ECD: variants seen among roughly 807,000 people sequenced by gnomAD.
ECD encodes the protein ecdysoneless cell cycle regulator, also known as protein ecdysoneless homolog.
Under a neutral mutation model 77.2 loss-of-function variants are expected in ECD, and 59 were observed. That is an observed-to-expected ratio of 0.76 (90% CI 0.62 to 0.95). ECD has a LOEUF of 0.95. Ranked by LOEUF, ECD falls within the 40% of genes least tolerant of loss-of-function variation. ECD has a pLI of 0.00. For missense variants in ECD, 704 were observed against 763.4 expected, an observed-to-expected ratio of 0.92 and a Z score of 0.92; for synonymous variants, 233 against 267.4, an observed-to-expected ratio of 0.87 and a Z score of 1.26.
At position 73,134,720 on chromosome 10, in the gene ECD, G is replaced by A. The variant is rs758034749; in HGVS notation, c.1798C>T (p.Leu600=). The change falls in exon 14 of 14, where the codon CTG becomes TTG. Residue 600 remains leucine, a synonymous_variant. Transcript: ENST00000372979. ...VMAPVDVDLN[L]VSNILESYSS... ...TAGGATTCCAATATATTTGAAACCAGGTTCAGGTCTACATCTACTGGTGCC... is the reference window on the plus strand; with the variant it reads ...TAGGATTCCAATATATTTGAAACCAAGTTCAGGTCTACATCTACTGGTGCC... 1 of 1,614,166 alleles carries A rather than the reference G, an allele frequency of 6.2e-7. No individual in the cohort carries two copies. The highest frequency in any genetic ancestry group is 1.3e-5 in the African/African-American group (1 of 75,042).
At chr10:73,156,190 G>A in intron 5 of ECD, 85 bp downstream of exon 5, 1 of 1,319,768 alleles carries the variant, frequency 7.6e-7, no homozygotes, top group Non-Finnish European at 1.0e-6. Context: ...GAGCTTTAAG[G>A]AAAACAAACA....
intron 3 of ECD, 124 bp downstream of exon 3, chr10:73,160,310 C>G: frequency 2.0e-6 from 1 of 504,296 alleles, no homozygotes; most frequent in Non-Finnish European, 3.3e-6. Context: ...AGCACAGATA[C>G]TATTAAAATC....
chr10:73,162,004 T>C (rs541021130), intron 2 of ECD, among the ~76,000 whole-genome samples: 1 of 152,332 alleles, frequency 6.6e-6, no homozygotes, highest in African/African-American at 2.4e-5. Flanking sequence ...CCAACTCTTC[T>C]TCTCCCCACC....
chr10:73,144,309 T>A (rs1399321123), intron 9 of ECD, among the ~76,000 whole-genome samples: 2 of 152,086 alleles, frequency 1.3e-5, no homozygotes, highest in Non-Finnish European at 2.9e-5. Flanking sequence ...TAAAAACAAT[T>A]CTAAACTGAG....
At chr10:73,139,776 G>C (rs1386288045) in intron 9 of ECD, 39 bp from the exon 10 acceptor site, 2 of 1,359,126 alleles carry the variant, frequency 1.5e-6, no homozygotes, top group Non-Finnish European at 2.1e-6. Flanking sequence ...CTTCATAAGA[G>C]AACATAGAAT....
At chr10:73,166,039 T>C (rs1161896583) in intron 1 of ECD, among the ~76,000 whole-genome samples, 3 of 152,204 alleles carry the variant, frequency 2.0e-5, no homozygotes, top group Non-Finnish European at 4.4e-5. Flanking sequence ...TTTTAATTTT[T>C]AGCTCCTACA....
chr10:73,157,582 C>T (rs900549633), intron 3 of ECD, among the ~76,000 whole-genome samples: 2 of 151,138 alleles, frequency 1.3e-5, no homozygotes, highest in African/African-American at 4.9e-5. Context: ...ATCAGCCAGG[C>T]GTGGTGGCCC....
At chr10:73,137,708 G>A (rs1290440052) in intron 12 of ECD, among the ~76,000 whole-genome samples, 2 of 151,626 alleles carry the variant, frequency 1.3e-5, no homozygotes, top group Non-Finnish European at 1.5e-5. Context: ...CCCAGGAGGC[G>A]GAGCTTGCAG....
At chr10:73,163,592 T>C (rs1381467481) in intron 2 of ECD, 141 bp downstream of exon 2, 5 of 729,144 alleles carry the variant, frequency 6.9e-6, no homozygotes, top group African/African-American at 3.6e-5. Flanking sequence ...TAACTGAATA[T>C]AGACAAGTAT....
chr10:73,139,913 G>T (rs1020856801), intron 9 of ECD, among the ~76,000 whole-genome samples, 176 bp from the exon 10 acceptor site: 1 of 150,162 alleles, frequency 6.7e-6, no homozygotes, highest in Non-Finnish European at 1.5e-5. Flanking sequence ...CGAACTCCTG[G>T]GTTCAAATGA....
At chr10:73,160,605 A>G in intron 2 of ECD, 54 bp from the exon 3 acceptor site, 1 of 1,266,874 alleles carries the variant, frequency 7.9e-7, no homozygotes, top group Non-Finnish European at 1.1e-6. Context: ...TACTGCAAAT[A>G]AAATGCACAT....
At position 73,145,657 on chromosome 10, in the gene ECD, CTT is replaced by C. The variant is rs748175828; in HGVS notation, c.1127+617_1127+618del. ...ATCCATTTGCTGAAATATTGTGCAG[CTT>C]TTTTTTTTTTTTTTTTTTGAGATGG... On this transcript the variant is annotated intron_variant, in intron 9 of 13. Transcript: ENST00000372979. Among the ~76,000 whole-genome samples the C allele has an allele frequency of 2.9e-3, 354 of 124,070 alleles. 2 individuals are homozygous for C. The highest frequency in any genetic ancestry group is 8.3e-3 in the African/African-American group (263 of 31,612). The allele number at this position is 124,070 out of a possible 152,430, so 81.4% of individuals were successfully genotyped here. A position where few individuals can be genotyped will look rare whatever the true frequency, so the allele number is the denominator to read the frequency against.
At chr10:73,143,089 G>A (rs536336352) in intron 9 of ECD, among the ~76,000 whole-genome samples, 20 of 152,268 alleles carry the variant, frequency 1.3e-4, no homozygotes, top group Middle Eastern at 3.4e-3. Context: ...TATATCCCCA[G>A]TACCTGGAAT....
intron 2 of ECD, among the ~76,000 whole-genome samples, chr10:73,161,902 T>C (rs1843385658): frequency 6.6e-6 from 1 of 152,202 alleles, no homozygotes; most frequent in South Asian, 2.1e-4. Context: ...GTACAGTTAA[T>C]ATCCCACATT....
Position 73,136,851 on chromosome 10 carries a change from A to G in ECD, c.1557T>C (p.Asp519=). ...CGTGTGTTTCAAAGTCCAAGTCATC[A>G]TCACTATCTAAACATTCAAAGTCTT... ...DDEDFECLDS[D]DDLDFETHEP... Residue 519 remains aspartate (D), a synonymous_variant, in exon 13 of 14, where the codon GAT becomes GAC. Transcript: ENST00000372979. 6.2e-7 allele frequency: 1 copy of G among 1,614,102 alleles called. No homozygotes were observed. The highest frequency in any genetic ancestry group is 8.5e-7 in the Non-Finnish European group (1 of 1,180,014).
chr10:73,157,180 G>A (rs1176078747), intron 3 of ECD, among the ~76,000 whole-genome samples: 1 of 151,662 alleles, frequency 6.6e-6, no homozygotes, highest in East Asian at 2.0e-4. Flanking sequence ...CTCCTGAGTA[G>A]TTGGGATTAC....
At chr10:73,152,196 A>T in intron 7 of ECD, 97 bp downstream of exon 7, 1 of 1,407,038 alleles carries the variant, frequency 7.1e-7, no homozygotes, top group Non-Finnish European at 9.7e-7. Context: ...TCTTACATAA[A>T]CAGGGTGTAT....
In ECD at chr10:73,148,273, T is replaced by C. The variant is rs767415727; in HGVS notation, c.1041+3A>G. On this transcript the variant is annotated splice_donor_region_variant and intron_variant, in intron 8 of 13. Coordinates refer to ENST00000372979, the MANE Select transcript of ECD (RefSeq NM_007265.3). ...TTAAAAGCAAATATATTGCAAGTCC[T>C]ACCTTAAAGTAATCATTCTTTTTCA... 4.3e-6 allele frequency: 7 copies of C among 1,613,088 alleles called. No individual in the cohort carries two copies. The Admixed American group carries it at 1.0e-4, about 23-fold the overall frequency.
Position 73,134,538 on chromosome 10 carries a change from T to G in ECD, c.*45A>C, listed in dbSNP as rs1241359193. ...TAAACTAGAAATGAACAGAATCATA[T>G]TCAATATTTATTTAAAAAGAAAAAA... is the stretch of plus-strand genomic sequence containing the variant. On this transcript the variant is annotated 3_prime_UTR_variant, in exon 14 of 14. Transcript: ENST00000372979. The G allele has an allele frequency of 6.7e-7, 1 of 1,489,716 alleles. No homozygotes were observed. The highest frequency in any genetic ancestry group is 9.2e-7 in the Non-Finnish European group (1 of 1,083,162). The allele number at this position is 1,489,716 out of a possible 1,614,324, so 92.3% of individuals were successfully genotyped here.
Sources: allele counts gnomAD v4.1 joint callset (sites outside exome capture counted in the v4.1 genomes callset), GRCh38; gene constraint gnomAD v4.1.1; transcripts MANE v1.5; gene names NCBI Gene and HGNC (gene_info 2026-07-23, HGNC 2026-07-21).